The following DNAJB13 variants were observed in gnomAD, a reference collection of about 807,000 sequenced individuals.
DNAJB13 encodes the protein DnaJ heat shock protein family (Hsp40) member B13.
Under a neutral mutation model 35.6 loss-of-function variants are expected in DNAJB13, and 22 were observed. That is an observed-to-expected ratio of 0.62 (90% CI 0.44 to 0.88). DNAJB13 has a LOEUF of 0.88. DNAJB13 is among the 40% of genes least tolerant of loss of function. The pLI, the probability that DNAJB13 is intolerant of heterozygous loss-of-function variation, is 0.00. For synonymous variants in DNAJB13, 136 were observed against 144.2 expected (o/e 0.94, Z 0.41); for missense variants, 370 against 384.3 (o/e 0.96, Z 0.31).
In DNAJB13 at chr11:73,953,427, C is replaced by T. The variant is rs1382586682; in HGVS notation, c.68+2290C>T. Among the ~76,000 whole-genome samples the T allele has an allele frequency of 3.9e-5, 6 of 152,232 alleles. No individual in the cohort carries two copies. In the East Asian group the frequency reaches 5.8e-4, roughly 15 times the overall value. On this transcript the variant is annotated intron_variant, in intron 1 of 7. Coordinates refer to ENST00000339764, the MANE Select transcript of DNAJB13 (RefSeq NM_153614.4). ...ATCGGCCAGCTACTGCCTTAAAATC[C>T]GAGCTCCCCGAGTGTACAATTTCTG...
At chr11:73,952,823 T>TGTCTAAAA (rs1554988771) in intron 1 of DNAJB13, among the ~76,000 whole-genome samples, 1 of 152,194 alleles carries the variant, frequency 6.6e-6, no homozygotes, top group Non-Finnish European at 1.5e-5. Flanking sequence ...AGTTTTCCCA[T>TGTCTAAAA]GTCTAAAAAT....
chr11:73,969,219 C>T, intron 6 of DNAJB13, 27 bp from the exon 7 acceptor site: 1 of 824,070 alleles, frequency 1.2e-6, no homozygotes, highest in South Asian at 1.5e-5. Flanking sequence ...CCTCCTCAGC[C>T]CCACCTTTGG....
In DNAJB13 at chr11:73,966,188, C is replaced by T. The variant is rs761700862; in HGVS notation, c.543C>T (p.Thr181=). 1 of 1,613,834 alleles carries T rather than the reference C, an allele frequency of 6.2e-7. No homozygotes were observed. Among genetic ancestry groups the T allele is most frequent in the Non-Finnish European group, 8.5e-7 (1 of 1,179,980 alleles). Residue 181 remains threonine, a synonymous_variant, in exon 5 of 8, where the codon ACC becomes ACT. Transcript: ENST00000339764. ...CCACCATCAAGGACAAGATCCTGAC[C>T]ATTGATGTGAAGCCCGGTTGGAGGC... ...YSSTIKDKIL[T]IDVKPGWRQG... is the part of the protein sequence containing the mutation.
rs1951067161 is a variant in DNAJB13, at chr11:73,964,985, C to T, written c.442C>T (p.Leu148=). 7 of 1,608,724 alleles carry T rather than the reference C, an allele frequency of 4.4e-6. No homozygotes were observed. Among genetic ancestry groups the T allele is most frequent in the Admixed American group, 3.4e-5 (2 of 58,252 alleles). Residue 148 remains leucine, a synonymous_variant, in exon 4 of 8, where the codon CTG becomes TTG. Transcript: ENST00000339764. Reference sequence around the variant, plus strand: ...AGTCGAACGGGATCTCTACCTGTCCCTGGAGGACTTATTCTTTGGCTGCAC... The same window carrying T: ...AGTCGAACGGGATCTCTACCTGTCCTTGGAGGACTTATTCTTTGGCTGCAC... ...PQVERDLYLS[L]EDLFFGCTKK...
intron 6 of DNAJB13, among the ~76,000 whole-genome samples, 177 bp from the exon 7 acceptor site, chr11:73,969,069 A>G (rs1487777704): frequency 1.3e-5 from 2 of 152,178 alleles, no homozygotes; most frequent in Non-Finnish European, 2.9e-5. Flanking sequence ...AGATCCATCC[A>G]TCTTTCCTGC....
intron 1 of DNAJB13, among the ~76,000 whole-genome samples, chr11:73,952,643 A>T (rs1167684535): frequency 1.3e-5 from 2 of 152,206 alleles, no homozygotes; most frequent in African/African-American, 4.8e-5. Context: ...TCTTCGGAGC[A>T]TCTCATTGAC....
chr11:73,957,691 G>T (rs761886264), intron 1 of DNAJB13, among the ~76,000 whole-genome samples: 1 of 152,186 alleles, frequency 6.6e-6, no homozygotes, highest in African/African-American at 2.4e-5. Context: ...AGCAGAGAGA[G>T]GGTGGGGGCG....
chr11:73,954,635 A>AT (rs1565167379), intron 1 of DNAJB13, among the ~76,000 whole-genome samples: 4,852 of 133,066 alleles, frequency 0.036, 286 homozygotes, highest in African/African-American at 0.12. Flanking sequence ...GTCTCAAAAA[A>AT]AAAAAATAAA....
chr11:73,966,851 T>TC (rs2135340938), intron 5 of DNAJB13, among the ~76,000 whole-genome samples: 1 of 139,620 alleles, frequency 7.2e-6, no homozygotes, highest in South Asian at 2.3e-4. Context: ...GCTAATTTTT[T>TC]TTTTTTTTTT....
At chr11:73,968,805 GCA>G (rs979136690) in intron 6 of DNAJB13, among the ~76,000 whole-genome samples, 12 of 152,056 alleles carry the variant, frequency 7.9e-5, no homozygotes, top group African/African-American at 2.2e-4. Context: ...TCCTTCCCCT[GCA>G]CTCCCGCCCC....
chr11:73,962,783 CCCACCTTGTG>C (rs1471121719), intron 3 of DNAJB13, among the ~76,000 whole-genome samples: 3 of 152,148 alleles, frequency 2.0e-5, no homozygotes, highest in Non-Finnish European at 2.9e-5. Context: ...AGAGATTGCT[CCCACCTTGTG>C]CCACCCTCAC....
intron 5 of DNAJB13, among the ~76,000 whole-genome samples, chr11:73,967,144 C>T (rs1014927492): frequency 1.6e-4 from 24 of 151,628 alleles, no homozygotes; most frequent in African/African-American, 4.8e-4. Flanking sequence ...TGAGCCACTG[C>T]GCCCAGCCAC....
rs144965511 is a variant in DNAJB13 at position 73,970,059 on chromosome 11, C to T, written c.896C>T (p.Pro299Leu). The change falls in exon 8 of 8, where the codon CCC becomes CTC. Residue 299 changes from proline (P) to leucine (L), a missense_variant. Transcript: ENST00000339764. ...DLFIFFDIQF[P>L]TRLTPQKKQM... ...TTCATCTTCTTCGACATCCAGTTCCCCACCCGCCTCACACCCCAGAAGAAG... is the reference window on the plus strand; with the variant it reads ...TTCATCTTCTTCGACATCCAGTTCCTCACCCGCCTCACACCCCAGAAGAAG... 8.7e-6 allele frequency: 14 copies of T among 1,610,702 alleles called. No homozygotes were observed. The highest frequency in any genetic ancestry group is 1.7e-5 in the Admixed American group (1 of 59,502).
intron 1 of DNAJB13, among the ~76,000 whole-genome samples, chr11:73,952,850 G>A (rs893753446): frequency 3.9e-5 from 6 of 152,130 alleles, no homozygotes; most frequent in Non-Finnish European, 8.8e-5. Context: ...CATAATAAAG[G>A]TTGCTGTGAG....
At chr11:73,966,411 T>A (rs1318737756) in intron 5 of DNAJB13, among the ~76,000 whole-genome samples, 160 bp downstream of exon 5, 1 of 152,142 alleles carries the variant, frequency 6.6e-6, no homozygotes, top group African/African-American at 2.4e-5. Context: ...GGATCCCTAA[T>A]GTTCCTTCCA....
At chr11:73,969,844 A>G (rs1422670295) in intron 7 of DNAJB13, 117 bp from the exon 8 acceptor site, 9 of 1,332,766 alleles carry the variant, frequency 6.8e-6, no homozygotes, top group Non-Finnish European at 9.1e-6. Context: ...ACTCCAGGTG[A>G]AGACTGCAGT....
At position 73,968,443 on chromosome 11, in the gene DNAJB13, C is replaced by T. The variant is rs766906310; in HGVS notation, c.705C>T (p.Pro235=). 2.1e-5 allele frequency: 34 copies of T among 1,613,866 alleles called. No individual in the cohort carries two copies. Among genetic ancestry groups the T allele is most frequent in the Non-Finnish European group, 2.5e-5 (29 of 1,179,908 alleles). The change falls in exon 6 of 8, where the codon CCC becomes CCT. Residue 235 remains proline (P), a synonymous_variant. Transcript: ENST00000339764. The part of the protein sequence containing the change: ...RENDNLFFVN[P]IPLGKALTCC... Reference sequence around the variant, plus strand: ...ATGACAACCTCTTCTTCGTGAACCCCATCCCTCTTGGCAAGGTGAGTGGGC... The same window carrying T: ...ATGACAACCTCTTCTTCGTGAACCCTATCCCTCTTGGCAAGGTGAGTGGGC...
intron 5 of DNAJB13, among the ~76,000 whole-genome samples, chr11:73,967,033 A>G (rs1313527378): frequency 5.9e-5 from 9 of 152,060 alleles, no homozygotes; most frequent in Non-Finnish European, 1.2e-4. Flanking sequence ...TTGTATTTTT[A>G]GTAGAGACGG....
chr11:73,968,454 G>T lies in DNAJB13; in HGVS notation c.716G>T (p.Gly239Val), dbSNP rs1222771692. ...NLFFVNPIPL[G>V]KALTCCTVEV... ...TTCTTCGTGAACCCCATCCCTCTTG[G>T]CAAGGTGAGTGGGCAAAGTGCAGGA... is the stretch of plus-strand genomic sequence containing the variant. The change falls in exon 6 of 8, where the codon GGC becomes GTC. Residue 239 changes from glycine (G) to valine (V), a missense_variant. Transcript: ENST00000339764. 6.2e-7 allele frequency: 1 copy of T among 1,613,386 alleles called. No individual in the cohort carries two copies.
Sources: gnomAD v4.1 joint callset for allele counts (sites outside exome capture counted in the v4.1 genomes callset) on GRCh38, gnomAD v4.1.1 for gene constraint, MANE v1.5 for transcripts, NCBI Gene and HGNC (gene_info 2026-07-23, HGNC 2026-07-21) for gene names.